RNGTT: variants seen among roughly 807,000 people sequenced by gnomAD.
RNGTT encodes the protein RNA guanylyltransferase and 5'-phosphatase.
A neutral mutation model predicts 79.3 loss-of-function variants in RNGTT; 33 were observed. That is an observed-to-expected ratio of 0.42 (90% confidence interval 0.32 to 0.56). RNGTT has a LOEUF of 0.56. Among genes scored for constraint, RNGTT ranks in the 20% least tolerant of loss-of-function variants. RNGTT has a pLI of 0.17. For synonymous variants in RNGTT, 222 were observed against 235.9 expected, an observed-to-expected ratio of 0.94 and a Z score of 0.54; for missense variants, 497 against 739.1, an observed-to-expected ratio of 0.67 and a Z score of 3.80.
At chr6:88,632,536 G>GACACACACACAC (rs1300944817) in intron 14 of RNGTT, among the ~76,000 whole-genome samples, 6 of 98,368 alleles carry the variant, frequency 6.1e-5, no homozygotes, top group African/African-American at 1.6e-4. Context: ...CAGACACACA[G>GACACACACACAC]ACACACAGAC....
intron 13 of RNGTT, among the ~76,000 whole-genome samples, chr6:88,732,607 A>T (rs147838604): frequency 5.3e-5 from 8 of 152,352 alleles, no homozygotes; most frequent in Non-Finnish European, 1.2e-4. Flanking sequence ...AAGCAGCCTG[A>T]GTGTGCATTG....
intron 12 of RNGTT, among the ~76,000 whole-genome samples, chr6:88,792,539 T>C (rs879659948): frequency 6.6e-6 from 1 of 152,254 alleles, no homozygotes; most frequent in Non-Finnish European, 1.5e-5. Flanking sequence ...CTCTGCTTTC[T>C]TTAGCAGAAT....
At chr6:88,946,490 GTC>G (rs1785013750) in intron 1 of RNGTT, among the ~76,000 whole-genome samples, 1 of 152,124 alleles carries the variant, frequency 6.6e-6, no homozygotes, top group African/African-American at 2.4e-5. Flanking sequence ...AGAATCATAT[GTC>G]TCTCATTTAA....
intron 2 of RNGTT, among the ~76,000 whole-genome samples, chr6:88,929,887 T>TATATACATATATAC (rs1409200557): frequency 2.0e-5 from 3 of 150,622 alleles, no homozygotes; most frequent in African/African-American, 7.3e-5. Context: ...CATACACACA[T>TATATACATATATAC]ATATACATAT....
Position 88,696,798 on chromosome 6 carries a change from T to C in RNGTT, c.1440-18379A>G, listed in dbSNP as rs148200542. ...GAAAATTGACTATGGAGTTTTCCTC[T>C]TCCCCTGGGAAAATGTAAGAACATT... On this transcript the variant is annotated intron_variant, in intron 13 of 15. Transcript: ENST00000369485. 1.9e-3 allele frequency among the ~76,000 whole-genome samples: 283 copies of C among 152,310 alleles called. 2 individuals carry two copies. The highest frequency in any genetic ancestry group is 6.6e-3 in the African/African-American group (276 of 41,574).
At chr6:88,748,159 C>T (rs1340816275) in intron 13 of RNGTT, among the ~76,000 whole-genome samples, 1 of 151,810 alleles carries the variant, frequency 6.6e-6, no homozygotes, top group Non-Finnish European at 1.5e-5. Context: ...GAGGGATTCT[C>T]AAAGGGAAAT....
intron 4 of RNGTT, among the ~76,000 whole-genome samples, chr6:88,923,036 C>T (rs1784211734): frequency 6.6e-6 from 1 of 152,146 alleles, no homozygotes. Context: ...AATCCAGAGA[C>T]ATAATTAGAT....
chr6:88,674,378 T>A (rs1307614263), intron 14 of RNGTT, among the ~76,000 whole-genome samples: 1 of 151,860 alleles, frequency 6.6e-6, no homozygotes, highest in Admixed American at 6.6e-5. Flanking sequence ...TGAAACCCCA[T>A]CTCCACAAAA....
chr6:88,641,834 T>C (rs1380909063), intron 14 of RNGTT, among the ~76,000 whole-genome samples: 2 of 152,230 alleles, frequency 1.3e-5, no homozygotes, highest in Non-Finnish European at 2.9e-5. Flanking sequence ...TTTTGTCATC[T>C]TGGCTGTATT....
At chr6:88,775,775 G>A (rs980315445) in intron 12 of RNGTT, among the ~76,000 whole-genome samples, 4 of 152,156 alleles carry the variant, frequency 2.6e-5, no homozygotes, top group Admixed American at 6.5e-5. Flanking sequence ...GATTCCACAT[G>A]TAAGTGAAAT....
rs141189391 is a variant in RNGTT, at chr6:88,931,717, A to G, written c.175-2450T>C. ...TTACTGGAGGCTTAATCCCATCTCA[A>G]TAAGTCAACCATTGTTGCGGGAAGT... On this transcript the variant is annotated intron_variant, in intron 2 of 15. Transcript: ENST00000369485. 7.2e-4 allele frequency among the ~76,000 whole-genome samples: 109 copies of G among 152,308 alleles called. 1 individual carries two copies. Among genetic ancestry groups the G allele is most frequent in the African/African-American group, 6.3e-4 (26 of 41,574 alleles).
chr6:88,916,101 A>G (rs1168311582), intron 4 of RNGTT, among the ~76,000 whole-genome samples: 1 of 152,230 alleles, frequency 6.6e-6, no homozygotes, highest in Admixed American at 6.5e-5. Flanking sequence ...AATTGAAAAG[A>G]GTGACCGTAT....
chr6:88,764,684 C>T (rs949054463), intron 13 of RNGTT, among the ~76,000 whole-genome samples: 2 of 152,052 alleles, frequency 1.3e-5, no homozygotes, highest in African/African-American at 4.8e-5. Flanking sequence ...AACAAGTCAC[C>T]ATGCTATGTA....
At chr6:88,735,504 A>G (rs1340325376) in intron 13 of RNGTT, among the ~76,000 whole-genome samples, 4 of 151,924 alleles carry the variant, frequency 2.6e-5, no homozygotes, top group Non-Finnish European at 5.9e-5. Flanking sequence ...AGTAACAGAA[A>G]GACGCTGGAA....
At chr6:88,612,969 A>G in intron 15 of RNGTT, 87 bp from the exon 16 acceptor site, 2 of 1,193,184 alleles carry the variant, frequency 1.7e-6, no homozygotes, top group Non-Finnish European at 2.4e-6. Flanking sequence ...TTTCATCCCA[A>G]TATACTAAAT....
At chr6:88,797,169 G>C (rs1444343669) in intron 12 of RNGTT, among the ~76,000 whole-genome samples, 1 of 152,066 alleles carries the variant, frequency 6.6e-6, no homozygotes, top group Admixed American at 6.5e-5. Flanking sequence ...CTGGCAAACA[G>C]GGAGGCTTGA....
chr6:88,880,057 G>A (rs1425453745), intron 8 of RNGTT, among the ~76,000 whole-genome samples: 1 of 152,118 alleles, frequency 6.6e-6, no homozygotes, highest in Non-Finnish European at 1.5e-5. Context: ...AGTTTAGAAC[G>A]AAAACTTAAA....
At chr6:88,920,608 A>G (rs1784135004) in intron 4 of RNGTT, among the ~76,000 whole-genome samples, 8 of 152,184 alleles carry the variant, frequency 5.3e-5, no homozygotes. Flanking sequence ...TGAATAAGTA[A>G]AAACAACTCA....
At chr6:88,890,357 T>C in intron 8 of RNGTT, 138 bp downstream of exon 8, 1 of 611,584 alleles carries the variant, frequency 1.6e-6, no homozygotes, top group Non-Finnish European at 2.8e-6. Flanking sequence ...AAACCAAAAA[T>C]ATATAATTTT....
Sources: allele counts gnomAD v4.1 joint callset (sites outside exome capture counted in the v4.1 genomes callset), GRCh38; gene constraint gnomAD v4.1.1; transcripts MANE v1.5; gene names NCBI Gene and HGNC (gene_info 2026-07-23, HGNC 2026-07-21).